Variants in NEMP2 observed in about 807,000 individuals in gnomAD.
NEMP2 encodes the protein nuclear envelope integral membrane protein 2.
Under a neutral mutation model 54.2 loss-of-function variants are expected in NEMP2, and 53 were observed. The observed-to-expected ratio is 0.98, with a 90% CI of 0.78 to 1.23. The LOEUF (loss-of-function observed/expected upper bound fraction) is 1.23, where lower values mean the gene tolerates loss of function less well. Ranked by LOEUF, NEMP2 falls within the 50% of genes most tolerant of loss-of-function variation. NEMP2 has a pLI of 0.00. For missense variants in NEMP2, 455 were observed against 511.3 expected, an observed-to-expected ratio of 0.89 and a Z score of 1.06; for synonymous variants, 197 against 190.3, an observed-to-expected ratio of 1.04 and a Z score of -0.29.
chr2:190,543,853 C>G, the NEMP2 span, among the ~76,000 whole-genome samples: 2 of 152,084 alleles, frequency 1.3e-5, no homozygotes, highest in African/African-American at 4.8e-5. This position sits in a 1 kb window ranked among gnomAD's most constrained non-coding sequence, Gnocchi z 4.7. Context: ...TTTTTTATTT[C>G]TATGGTTCTT....
the NEMP2 span, among the ~76,000 whole-genome samples, chr2:190,463,664 T>C: frequency 1.3e-5 from 2 of 151,796 alleles, no homozygotes; most frequent in African/African-American, 2.4e-5. The surrounding 1 kb of genome is among the most constrained non-coding windows in gnomAD (Gnocchi z 4.4). Context: ...CTACTAAAAA[T>C]CAAAAGTTAG....
chr2:190,440,490 T>C, the NEMP2 span, among the ~76,000 whole-genome samples: 1 of 152,270 alleles, frequency 6.6e-6, no homozygotes, highest in African/African-American at 2.4e-5. Flanking sequence ...TTTTAGGCTA[T>C]AAATGATTAA....
the NEMP2 span, chr2:190,433,357 G>A: frequency 6.6e-6 from 1 of 152,134 alleles, no homozygotes; most frequent in Non-Finnish European, 1.5e-5. The surrounding 1 kb of genome is among the most constrained non-coding windows in gnomAD (Gnocchi z 4.5). Flanking sequence ...CCGCTGAGCT[G>A]GATAGGTGAA....
the NEMP2 span, among the ~76,000 whole-genome samples, chr2:190,472,135 G>A: frequency 6.6e-6 from 1 of 152,078 alleles, no homozygotes; most frequent in Non-Finnish European, 1.5e-5. Flanking sequence ...CCACAAAGAT[G>A]GGGAAAAAAC....
the NEMP2 span, among the ~76,000 whole-genome samples, chr2:190,449,965 GTAAC>G: frequency 1.3e-5 from 2 of 152,012 alleles, no homozygotes; most frequent in African/African-American, 4.8e-5. Context: ...GTATACATAT[GTAAC>G]TAACCTGCAC....
chr2:190,462,141 G>T, the NEMP2 span, among the ~76,000 whole-genome samples: 1 of 152,002 alleles, frequency 6.6e-6, no homozygotes, highest in Non-Finnish European at 1.5e-5. The surrounding 1 kb of genome is among the most constrained non-coding windows in gnomAD (Gnocchi z 5.7). Context: ...GTTTGTTTTT[G>T]TATTAATATA....
chr2:190,438,105 AT>A, the NEMP2 span, among the ~76,000 whole-genome samples: 9 of 151,778 alleles, frequency 5.9e-5, no homozygotes, highest in Admixed American at 2.0e-4. This position sits in a 1 kb window ranked among gnomAD's most constrained non-coding sequence, Gnocchi z 5.2. Context: ...GTTCTTAAGT[AT>A]TTTTTTTGGG....
the NEMP2 span, among the ~76,000 whole-genome samples, chr2:190,618,532 G>A: frequency 6.6e-6 from 1 of 152,134 alleles, no homozygotes; most frequent in African/African-American, 2.4e-5. Context: ...ATTAGCTAGG[G>A]ATAGATGATA....
chr2:190,533,693 T>C lies in NEMP2; in HGVS notation c.97+866A>G, dbSNP rs1331344859. ...AAAAGAATACACTTGGCAGCCTCCCTTGAAACCAGGGTAGCCAAAGCAAGG... is the reference window on the plus strand; with the variant it reads ...AAAAGAATACACTTGGCAGCCTCCCCTGAAACCAGGGTAGCCAAAGCAAGG... On this transcript the variant is annotated intron_variant, in intron 1 of 8. Coordinates refer to ENST00000409150, the MANE Select transcript of NEMP2 (RefSeq NM_001142645.2). This position sits in a 1 kb window ranked among gnomAD's most constrained non-coding sequence, Gnocchi z 4.3. Among the ~76,000 whole-genome samples the C allele has an allele frequency of 6.6e-6, 1 of 152,014 alleles. No homozygotes were observed. Among genetic ancestry groups the C allele is most frequent in the Non-Finnish European group, 1.5e-5 (1 of 67,970 alleles).
the NEMP2 span, among the ~76,000 whole-genome samples, chr2:190,577,093 C>G: frequency 6.6e-6 from 1 of 152,038 alleles, no homozygotes; most frequent in Non-Finnish European, 1.5e-5. This position sits in a 1 kb window ranked among gnomAD's most constrained non-coding sequence, Gnocchi z 4.8. Flanking sequence ...AGACTGTGTT[C>G]GGGAATCAGT....
chr2:190,495,820 C>T, the NEMP2 span, among the ~76,000 whole-genome samples: 1 of 152,056 alleles, frequency 6.6e-6, no homozygotes, highest in African/African-American at 2.4e-5. This position sits in a 1 kb window ranked among gnomAD's most constrained non-coding sequence, Gnocchi z 4.7. Flanking sequence ...ATCCTCATTT[C>T]TCACCGTATA....
At chr2:190,580,057 TG>T in the NEMP2 span, among the ~76,000 whole-genome samples, 1 of 152,082 alleles carries the variant, frequency 6.6e-6, no homozygotes, top group East Asian at 1.9e-4. The surrounding 1 kb of genome is among the most constrained non-coding windows in gnomAD (Gnocchi z 5.3). Flanking sequence ...TTGAATCACG[TG>T]GGGATCTATT....
the NEMP2 span, among the ~76,000 whole-genome samples, chr2:190,640,195 TTTA>T: frequency 1.3e-5 from 2 of 152,306 alleles, no homozygotes; most frequent in South Asian, 2.1e-4. Flanking sequence ...TACATTATTT[TTTA>T]TTTTTTTCCA....
chr2:190,474,971 G>A, the NEMP2 span, among the ~76,000 whole-genome samples: 1 of 152,334 alleles, frequency 6.6e-6, no homozygotes, highest in East Asian at 1.9e-4. Context: ...AAAATCACAT[G>A]ATTATCTCAA....
chr2:190,648,550 C>T, the NEMP2 span: 3 of 147,650 alleles, frequency 2.0e-5, no homozygotes, highest in Non-Finnish European at 4.5e-5. Context: ...AAGTCAGCCT[C>T]CTAGAGGATG....
chr2:190,449,862 T>TGTGGG, the NEMP2 span, among the ~76,000 whole-genome samples: 1 of 150,610 alleles, frequency 6.6e-6, no homozygotes, highest in East Asian at 2.0e-4. Context: ...TGGGGACTGT[T>TGTGGG]GTGGGGTGGG....
chr2:190,542,927 T>C, the NEMP2 span, among the ~76,000 whole-genome samples: 1 of 152,232 alleles, frequency 6.6e-6, no homozygotes, highest in Non-Finnish European at 1.5e-5. The surrounding 1 kb of genome is among the most constrained non-coding windows in gnomAD (Gnocchi z 4.6). Flanking sequence ...TGGTTCCCTG[T>C]TTACTATAGT....
At chr2:190,610,363 C>T in the NEMP2 span, 1 of 152,152 alleles carries the variant, frequency 6.6e-6, no homozygotes, top group Non-Finnish European at 1.5e-5. The surrounding 1 kb of genome is among the most constrained non-coding windows in gnomAD (Gnocchi z 5.4). Flanking sequence ...TTTGTACCAT[C>T]AAATACCTAT....
At position 190,529,150 on chromosome 2, in the gene NEMP2, CT is replaced by C. The variant is rs1476996979; in HGVS notation, c.98-3773del. 6.6e-6 allele frequency among the ~76,000 whole-genome samples: 1 copy of C among 152,194 alleles called. No homozygotes were observed. Among genetic ancestry groups the C allele is most frequent in the Admixed American group, 6.5e-5 (1 of 15,274 alleles). Reference sequence around the variant, plus strand: ...TGAGATCACACCACTGCACTCCAGCCTGGGCGACAGAGTGAGACTCTGTCTC... The same window carrying C: ...TGAGATCACACCACTGCACTCCAGCCGGGCGACAGAGTGAGACTCTGTCTC... On this transcript the variant is annotated intron_variant, in intron 1 of 8. Transcript: ENST00000409150. This position sits in a 1 kb window ranked among gnomAD's most constrained non-coding sequence, Gnocchi z 4.7.
Sources: gnomAD v4.1 joint callset for allele counts (sites outside exome capture counted in the v4.1 genomes callset) on GRCh38, gnomAD v4.1.1 for gene constraint, Gnocchi (gnomAD v3.1) non-coding constraint, MANE v1.5 for transcripts, NCBI Gene and HGNC (gene_info 2026-07-23, HGNC 2026-07-21) for gene names.